FMN2: variants seen among roughly 807,000 people sequenced by gnomAD.
The protein encoded by FMN2 is formin-2.
A neutral mutation model predicts 142.3 loss-of-function variants in FMN2; 51 were observed. That is an observed-to-expected ratio of 0.36 (90% CI 0.29 to 0.45). The LOEUF (loss-of-function observed/expected upper bound fraction) is 0.45. Ranked by LOEUF, FMN2 falls within the 20% of genes least tolerant of loss-of-function variation. The pLI is 1.00. For missense variants in FMN2, 1,936 were observed against 2,122.8 expected (o/e 0.91, Z 1.73); for synonymous variants, 882 against 869.8 (o/e 1.01, Z -0.25).
In FMN2 at chr1:240,142,753, C is replaced by A. The variant is rs1663242419; in HGVS notation, c.1782+19408C>A. On this transcript the variant is annotated intron_variant, in intron 2 of 17. Coordinates refer to ENST00000319653, the MANE Select transcript of FMN2 (RefSeq NM_020066.5). Reference sequence around the variant, plus strand: ...GGAAGAAACTCCTCAGTGGCCAATTCTGCCCGTTCCCCGTGGGCCAACGAC... The same window carrying A: ...GGAAGAAACTCCTCAGTGGCCAATTATGCCCGTTCCCCGTGGGCCAACGAC... 4 of 1,605,776 alleles carry A rather than the reference C, an allele frequency of 2.5e-6. No homozygotes were observed. In the East Asian group the frequency reaches 8.9e-5, roughly 36 times the overall value.
At chr1:240,202,328 A>T (rs1424059256) in intron 4 of FMN2, among the ~76,000 whole-genome samples, 1 of 152,152 alleles carries the variant, frequency 6.6e-6, no homozygotes, top group African/African-American at 2.4e-5. Flanking sequence ...GGTTAAAAAA[A>T]ATCCCAGGAA....
chr1:240,470,450 A>T (rs1311079408), intron 16 of FMN2, among the ~76,000 whole-genome samples: 1 of 152,228 alleles, frequency 6.6e-6, no homozygotes, highest in Non-Finnish European at 1.5e-5. Flanking sequence ...ATTGCTAACA[A>T]TATCAACCAG....
chr1:240,215,634 G>A (rs1666866998), intron 6 of FMN2, among the ~76,000 whole-genome samples: 1 of 152,094 alleles, frequency 6.6e-6, no homozygotes. Flanking sequence ...TATATGTTTG[G>A]TATTTAAATG....
intron 1 of FMN2, among the ~76,000 whole-genome samples, chr1:240,099,684 T>G (rs995786781): frequency 1.3e-5 from 2 of 152,214 alleles, no homozygotes; most frequent in Non-Finnish European, 2.9e-5. Flanking sequence ...ACATGATTCG[T>G]CTCTTTTGCT....
chr1:240,231,620 G>A (rs1472495935), intron 6 of FMN2, among the ~76,000 whole-genome samples: 1 of 152,166 alleles, frequency 6.6e-6, no homozygotes, highest in Non-Finnish European at 1.5e-5. Context: ...GATTTGTGAG[G>A]GGCTTGTAGT....
chr1:240,437,987 T>G (rs1675460121), intron 15 of FMN2, 74 bp from the exon 16 acceptor site: 1 of 1,523,994 alleles, frequency 6.6e-7, no homozygotes, highest in South Asian at 1.3e-5. Context: ...AATCAGCATT[T>G]GGATAGAGAA....
chr1:240,356,518 GA>G (rs1672278642), intron 14 of FMN2, among the ~76,000 whole-genome samples: 1 of 151,978 alleles, frequency 6.6e-6, no homozygotes, highest in South Asian at 2.1e-4. Context: ...AGATAATAAA[GA>G]AAAAAATTTA....
chr1:240,177,378 T>C (rs1019853564), intron 2 of FMN2, among the ~76,000 whole-genome samples: 20 of 147,624 alleles, frequency 1.4e-4, no homozygotes, highest in Non-Finnish European at 1.8e-4. Context: ...TTTTTTTTTT[T>C]CTTAGCAGGT....
At chr1:240,187,317 C>G (rs1328159091) in intron 3 of FMN2, among the ~76,000 whole-genome samples, 1 of 138,784 alleles carries the variant, frequency 7.2e-6, no homozygotes, top group Non-Finnish European at 1.6e-5. Flanking sequence ...AAACCAAAAA[C>G]AGTGACTGCT....
At chr1:240,345,856 G>A (rs1003326956) in intron 13 of FMN2, among the ~76,000 whole-genome samples, 2 of 152,082 alleles carry the variant, frequency 1.3e-5, no homozygotes, top group African/African-American at 4.8e-5. Context: ...ATACTCCAGT[G>A]CACAGGTGAC....
chr1:240,329,172 G>C lies in FMN2; in HGVS notation c.4307+5G>C, dbSNP rs1403163206. 6.2e-7 allele frequency: 1 copy of C among 1,614,014 alleles called. No individual in the cohort carries two copies. Among genetic ancestry groups the C allele is most frequent in the Admixed American group, 1.7e-5 (1 of 60,008 alleles). On this transcript the variant is annotated splice_donor_5th_base_variant and intron_variant, in intron 9 of 17. Coordinates refer to ENST00000319653, the MANE Select transcript of FMN2 (RefSeq NM_020066.5). ...GTCTCTGGACAAACCTGAACAGTAA[G>C]CATGTCTTATAACCACGTAGAGGGC... is the stretch of plus-strand genomic sequence containing the variant.
intron 2 of FMN2, among the ~76,000 whole-genome samples, chr1:240,123,617 G>A (rs1242186714): frequency 1.3e-5 from 2 of 151,650 alleles, no homozygotes; most frequent in Non-Finnish European, 2.9e-5. Flanking sequence ...TTTAATCAAC[G>A]ATGATTTTAA....
intron 1 of FMN2, among the ~76,000 whole-genome samples, chr1:240,118,631 T>G (rs562353242): frequency 6.6e-6 from 1 of 152,120 alleles, no homozygotes; most frequent in South Asian, 2.1e-4. Context: ...GGTTGTACGG[T>G]TCCTGATAGT....
chr1:240,149,000 C>A (rs1353642317), intron 2 of FMN2, among the ~76,000 whole-genome samples: 1 of 151,384 alleles, frequency 6.6e-6, no homozygotes, highest in African/African-American at 2.4e-5. Flanking sequence ...AAATAAAAAA[C>A]TCGTATATTA....
intron 14 of FMN2, among the ~76,000 whole-genome samples, chr1:240,363,857 G>A (rs765239298): frequency 6.6e-6 from 1 of 151,882 alleles, no homozygotes; most frequent in Non-Finnish European, 1.5e-5. Context: ...TGGCTCAGGT[G>A]TCCCCATGCT....
chr1:240,169,727 G>C (rs1401524284), intron 2 of FMN2, among the ~76,000 whole-genome samples: 2 of 152,104 alleles, frequency 1.3e-5, no homozygotes, highest in East Asian at 3.9e-4. Context: ...CTCCTGCCTC[G>C]GCCTTCTGAA....
chr1:240,107,890 A>G (rs1280726276), intron 1 of FMN2, among the ~76,000 whole-genome samples: 2 of 152,166 alleles, frequency 1.3e-5, no homozygotes, highest in Non-Finnish European at 2.9e-5. Context: ...TTGATGTGGA[A>G]CACATCTTTT....
At chr1:240,372,552 A>G (rs1240689181) in intron 14 of FMN2, among the ~76,000 whole-genome samples, 1 of 150,654 alleles carries the variant, frequency 6.6e-6, no homozygotes, top group African/African-American at 2.4e-5. Context: ...TGCTATGTTT[A>G]TATGTAAGAA....
In FMN2 at chr1:240,466,844, A is replaced by G. The variant is rs368006234; in HGVS notation, c.5061-5528A>G. On this transcript the variant is annotated intron_variant, in intron 16 of 17. Transcript: ENST00000319653. Reference sequence around the variant, plus strand: ...TAACCTTCTCTAGGTGCGACTGTGAACAATGAAGTATGTGGGAGCTGGGGG... The same window carrying G: ...TAACCTTCTCTAGGTGCGACTGTGAGCAATGAAGTATGTGGGAGCTGGGGG... Among the ~76,000 whole-genome samples, 69 of 152,278 alleles carry G rather than the reference A, an allele frequency of 4.5e-4. No individual in the cohort carries two copies. In the East Asian group the frequency reaches 0.011, roughly 24 times the overall value.
Sources: gnomAD v4.1 joint callset for allele counts (sites outside exome capture counted in the v4.1 genomes callset) on GRCh38, gnomAD v4.1.1 for gene constraint, MANE v1.5 for transcripts, NCBI Gene and HGNC (gene_info 2026-07-23, HGNC 2026-07-21) for gene names.